CTBP2: variants seen among roughly 807,000 people sequenced by gnomAD.
The protein encoded by CTBP2 is C-terminal binding protein 2.
CTBP2 carries 30 observed loss-of-function variants against 80.3 expected under a neutral mutation model. That is an observed-to-expected ratio of 0.37 (90% CI 0.28 to 0.51). The LOEUF is 0.51. Among genes scored for constraint, CTBP2 ranks in the 20% least tolerant of loss-of-function variants. CTBP2 has a pLI of 0.93. For synonymous variants in CTBP2, 594 were observed against 587.4 expected (o/e 1.01, Z -0.16); for missense variants, 1,212 against 1,375.3 (o/e 0.88, Z 1.88).
intron 1 of CTBP2, among the ~76,000 whole-genome samples, chr10:125,022,233 G>A (rs939796825): frequency 6.6e-6 from 1 of 152,178 alleles, no homozygotes; most frequent in Non-Finnish European, 1.5e-5. Context: ...GCTCTTCCAA[G>A]CATAGGAGTG....
chr10:124,999,387 T>C (rs1008368917), intron 3 of CTBP2: 5 of 151,938 alleles, frequency 3.3e-5, no homozygotes, highest in African/African-American at 9.7e-5. Context: ...TGGGGACAGA[T>C]TGGGGTGGGG....
intron 1 of CTBP2, among the ~76,000 whole-genome samples, chr10:125,131,200 A>C (rs1856122392): frequency 6.6e-6 from 1 of 152,206 alleles, no homozygotes; most frequent in Non-Finnish European, 1.5e-5. Flanking sequence ...TGCGGGATTC[A>C]GAACGTAGCA....
chr10:125,039,920 G>A (rs183594684), intron 2 of CTBP2, among the ~76,000 whole-genome samples: 1 of 152,280 alleles, frequency 6.6e-6, no homozygotes, highest in Admixed American at 6.5e-5. Context: ...TGATGGAGGA[G>A]GCAAGAAAGG....
In CTBP2 at chr10:125,064,122, A is replaced by G. The variant is rs1399114674; in HGVS notation, c.-101-24967T>C. Among the ~76,000 whole-genome samples, 7 of 152,344 alleles carry G rather than the reference A, an allele frequency of 4.6e-5. No homozygotes were observed. The South Asian group carries it at 1.5e-3, about 32-fold the overall frequency. On this transcript the variant is annotated intron_variant, in intron 2 of 10. Transcript: ENST00000337195. ...AGGACAAAGAATTTATAAACAGCTT[A>G]TATATATGGTGTGGAAGACAGTTAG... is the stretch of plus-strand genomic sequence containing the variant.
intron 2 of CTBP2, among the ~76,000 whole-genome samples, chr10:125,041,928 TA>T (rs61316302): frequency 0.03 from 3,710 of 123,134 alleles, 151 homozygotes; most frequent in African/African-American, 0.099. Flanking sequence ...ATTCCACTAT[TA>T]AAAAAAAAAA....
At chr10:125,097,611 C>A (rs768769348) in intron 2 of CTBP2, among the ~76,000 whole-genome samples, 1 of 152,144 alleles carries the variant, frequency 6.6e-6, no homozygotes, top group Non-Finnish European at 1.5e-5. Context: ...GGGGTCCATA[C>A]CATTCACAAT....
At chr10:125,110,799 T>G (rs1852180387) in intron 2 of CTBP2, among the ~76,000 whole-genome samples, 191 bp downstream of exon 2, 1 of 152,208 alleles carries the variant, frequency 6.6e-6, no homozygotes, top group African/African-American at 2.4e-5. Context: ...TTACATGTAT[T>G]TTGCTTTTGA....
At chr10:125,085,969 C>T (rs1277988535) in intron 2 of CTBP2, among the ~76,000 whole-genome samples, 18 of 152,248 alleles carry the variant, frequency 1.2e-4, no homozygotes, top group Admixed American at 1.0e-3. Context: ...TACAGCCCCT[C>T]GGCCTCCAGA....
intron 4 of CTBP2, chr10:124,996,353 T>A (rs1205052034): frequency 6.6e-6 from 1 of 151,994 alleles, no homozygotes; most frequent in East Asian, 1.9e-4. Flanking sequence ...GGACTCTTGC[T>A]CAGTAGAACC....
intron 2 of CTBP2, among the ~76,000 whole-genome samples, chr10:125,057,675 A>G (rs150326295): frequency 2.0e-5 from 3 of 152,336 alleles, no homozygotes; most frequent in African/African-American, 7.2e-5. Context: ...CAAAACAAGA[A>G]GTTTCTCTGG....
At chr10:125,063,975 C>T (rs534725497) in intron 2 of CTBP2, among the ~76,000 whole-genome samples, 8 of 152,242 alleles carry the variant, frequency 5.3e-5, no homozygotes, top group East Asian at 3.9e-4. Context: ...CTCAACCCCC[C>T]GCACCCCAAC....
At chr10:125,090,947 G>A (rs1227733703) in intron 2 of CTBP2, among the ~76,000 whole-genome samples, 1 of 152,090 alleles carries the variant, frequency 6.6e-6, no homozygotes, top group Admixed American at 6.5e-5. Context: ...TATATTTAAG[G>A]AGGAAATTGG....
chr10:125,089,240 G>A (rs1848429681), intron 2 of CTBP2, among the ~76,000 whole-genome samples: 1 of 152,188 alleles, frequency 6.6e-6, no homozygotes, highest in Non-Finnish European at 1.5e-5. Flanking sequence ...TTTCATAAGT[G>A]TAAAGGAAAA....
chr10:125,040,454 T>TA (rs747855375), intron 2 of CTBP2, among the ~76,000 whole-genome samples: 2,223 of 104,370 alleles, frequency 0.021, 138 homozygotes, highest in African/African-American at 0.075. Flanking sequence ...ACTCTGTCTT[T>TA]AAAAAAAAAA....
Position 124,988,956 on chromosome 10 carries a change from C to G in CTBP2, c.*562G>C, listed in dbSNP as rs553124874. 1 of 152,118 alleles carries G rather than the reference C, an allele frequency of 6.6e-6. No homozygotes were observed. The highest frequency in any genetic ancestry group is 2.4e-5 in the African/African-American group (1 of 41,100). The allele number at this position is 152,118 out of a possible 1,614,324, so 9.4% of individuals were successfully genotyped here. A position where few individuals can be genotyped will look rare whatever the true frequency, so the allele number is the denominator to read the frequency against. On this transcript the variant is annotated 3_prime_UTR_variant, in exon 9 of 9. Coordinates refer to ENST00000309035, the MANE Select transcript of CTBP2 (RefSeq NM_022802.3). ...CGACTTGCCCGCTCAGTATGCAGTT[C>G]AGATGTGAGAGGCGCTTCTCTGTAC...
chr10:125,128,420 G>A (rs1435816023), intron 1 of CTBP2, among the ~76,000 whole-genome samples: 2 of 152,172 alleles, frequency 1.3e-5, no homozygotes, highest in Non-Finnish European at 2.9e-5. Context: ...ATTGGGAGGC[G>A]GGGGGAAGGA....
intron 3 of CTBP2, chr10:124,999,177 G>A (rs1954081964): frequency 6.6e-6 from 1 of 152,376 alleles, no homozygotes; most frequent in Admixed American, 6.5e-5. Flanking sequence ...CAGCCAGCCT[G>A]TGGCTCCCAG....
At chr10:125,034,703 A>C (rs532333553) in intron 3 of CTBP2, among the ~76,000 whole-genome samples, 2 of 152,376 alleles carry the variant, frequency 1.3e-5, no homozygotes, top group East Asian at 1.9e-4. Context: ...ACAAACAAAA[A>C]CAAAACAAGT....
At chr10:125,029,086 G>C (rs1957927908), upstream of CTBP2, among the ~76,000 whole-genome samples, 1 of 152,196 alleles carries the variant, frequency 6.6e-6, no homozygotes, top group Admixed American at 6.5e-5. Context: ...AGCTACAAAG[G>C]CTGTATACAT....
Sources: allele counts gnomAD v4.1 joint callset (sites outside exome capture counted in the v4.1 genomes callset), GRCh38; gene constraint gnomAD v4.1.1; transcripts MANE v1.5; gene names NCBI Gene and HGNC (gene_info 2026-07-23, HGNC 2026-07-21).